Variants in HTR1F observed in about 807,000 individuals in gnomAD.
HTR1F encodes the protein 5-hydroxytryptamine receptor 1F.
Under a neutral mutation model 24.0 loss-of-function variants are expected in HTR1F, and 17 were observed. The ratio of observed to expected loss-of-function variants is 0.71; its 90% CI spans 0.48 to 1.06. The LOEUF is 1.06. Ranked by LOEUF, HTR1F falls within the 50% of genes least tolerant of loss-of-function variation. HTR1F has a pLI of 0.00. For synonymous variants in HTR1F, 186 were observed against 156.8 expected (o/e 1.19, Z -1.39); for missense variants, 391 against 427.8 (o/e 0.91, Z 0.76).
intron 2 of HTR1F, among the ~76,000 whole-genome samples, chr3:87,853,523 A>G (rs114002886): frequency 0.05 from 7,541 of 152,182 alleles, 264 homozygotes; most frequent in Non-Finnish European, 0.077. Flanking sequence ...TAGTGCTGCA[A>G]TGAACATTTG....
chr3:87,883,557 A>G (rs1214440416), intron 2 of HTR1F, among the ~76,000 whole-genome samples: 1 of 152,172 alleles, frequency 6.6e-6, no homozygotes, highest in Non-Finnish European at 1.5e-5. Flanking sequence ...ACCCATCGCA[A>G]AGAAACTAAA....
rs865910841 is a variant in HTR1F, at chr3:87,966,849, T to A, written c.-42-23859T>A. Among the ~76,000 whole-genome samples the A allele has an allele frequency of 3.9e-5, 6 of 152,212 alleles. No homozygotes were observed. In the Middle Eastern group the frequency reaches 0.014, roughly 345 times the overall value. ...TTGTGCTTCCCCACAACAAGACATATAATCCAACAATGTTCCTTTCCTACT... is the reference window on the plus strand; with the variant it reads ...TTGTGCTTCCCCACAACAAGACATAAAATCCAACAATGTTCCTTTCCTACT... On this transcript the variant is annotated intron_variant, in intron 2 of 2. Coordinates refer to ENST00000319595, the MANE Select transcript of HTR1F (RefSeq NM_001322209.2).
chr3:87,935,683 TAA>T (rs751219701), intron 2 of HTR1F, among the ~76,000 whole-genome samples: 36 of 152,338 alleles, frequency 2.4e-4, no homozygotes, highest in Admixed American at 5.2e-4. Flanking sequence ...ACTGTTTCAT[TAA>T]GTTTCCATTT....
intron 2 of HTR1F, among the ~76,000 whole-genome samples, chr3:87,894,668 C>T (rs1706161726): frequency 6.6e-6 from 1 of 150,890 alleles, no homozygotes; most frequent in Admixed American, 6.6e-5. Context: ...ACTCTGAAGC[C>T]AGAATATGTA....
intron 2 of HTR1F, among the ~76,000 whole-genome samples, chr3:87,952,656 C>T (rs1421550478): frequency 2.0e-5 from 3 of 151,866 alleles, no homozygotes; most frequent in South Asian, 4.1e-4. Flanking sequence ...GCAATTTACA[C>T]GCGTAATTTC....
intron 2 of HTR1F, among the ~76,000 whole-genome samples, chr3:87,898,938 ACAGT>A (rs1706261358): frequency 6.6e-6 from 1 of 152,152 alleles, no homozygotes; most frequent in Non-Finnish European, 1.5e-5. Context: ...CCTAAGTTAC[ACAGT>A]CAGTCTCTTT....
At chr3:87,935,118 T>A (rs1033867964) in intron 2 of HTR1F, among the ~76,000 whole-genome samples, 2 of 152,196 alleles carry the variant, frequency 1.3e-5, no homozygotes, top group African/African-American at 4.8e-5. Context: ...TCCTCCTGAC[T>A]TGGCCTCCCA....
intron 2 of HTR1F, among the ~76,000 whole-genome samples, chr3:87,958,943 T>G (rs1705003525): frequency 4.6e-5 from 7 of 151,732 alleles, no homozygotes; most frequent in Admixed American, 4.6e-4. Context: ...TCTCTGAACT[T>G]TCAACTGATT....
At position 87,991,081 on chromosome 3, in the gene HTR1F, T is replaced by A; in HGVS notation, c.332T>A (p.Ile111Asn). 1 of 1,613,968 alleles carries A rather than the reference T, an allele frequency of 6.2e-7. No individual in the cohort carries two copies. Among genetic ancestry groups the A allele is most frequent in the Non-Finnish European group, 8.5e-7 (1 of 1,180,032 alleles). Residue 111 changes from isoleucine (I) to asparagine (N), a missense_variant, in exon 3 of 3, where the codon ATC (isoleucine) becomes AAC (asparagine). Coordinates refer to ENST00000319595, the MANE Select transcript of HTR1F (RefSeq NM_001322209.2). ...GACATTACCTGCTGCACGTGCTCCA[T>A]CTTGCATCTCTCAGCTATAGCTTTG... ...SVDITCCTCS[I>N]LHLSAIALDR... is the part of the protein sequence containing the mutation.
At chr3:87,804,385 C>A (rs1329463290) in intron 1 of HTR1F, among the ~76,000 whole-genome samples, 1 of 151,758 alleles carries the variant, frequency 6.6e-6, no homozygotes, top group East Asian at 1.9e-4. Flanking sequence ...GCCTGGGAAA[C>A]ACAGCAAGAG....
chr3:87,970,476 A>G (rs763775608), intron 2 of HTR1F, among the ~76,000 whole-genome samples: 16 of 152,322 alleles, frequency 1.1e-4, no homozygotes, highest in Non-Finnish European at 1.8e-4. Context: ...TGTACATGAG[A>G]AATACAAATG....
At chr3:87,913,742 T>C (rs1703830976) in intron 2 of HTR1F, among the ~76,000 whole-genome samples, 1 of 152,188 alleles carries the variant, frequency 6.6e-6, no homozygotes, top group Non-Finnish European at 1.5e-5. Context: ...CACCATGGAA[T>C]ACTATGCAAC....
chr3:87,913,276 G>C (rs9838596), intron 2 of HTR1F, among the ~76,000 whole-genome samples: 29,644 of 151,822 alleles, frequency 0.2, 3,360 homozygotes, highest in African/African-American at 0.32. Context: ...GAGGACAAAG[G>C]GCATGAACAG....
At chr3:87,915,434 A>G (rs1465060139) in intron 2 of HTR1F, among the ~76,000 whole-genome samples, 3 of 152,250 alleles carry the variant, frequency 2.0e-5, no homozygotes, top group South Asian at 4.1e-4. Context: ...GCGAAGCCCA[A>G]TGCAAGGAAA....
chr3:87,808,617 T>G (rs1704110746), intron 1 of HTR1F, among the ~76,000 whole-genome samples: 1 of 151,952 alleles, frequency 6.6e-6, no homozygotes, highest in Admixed American at 6.6e-5. Flanking sequence ...ACTTTAATTC[T>G]GCTCTGATCT....
chr3:87,866,811 TGTGC>T lies in HTR1F; in HGVS notation c.-43+44695_-43+44698del, dbSNP rs201827553. 1.5e-3 allele frequency among the ~76,000 whole-genome samples: 144 copies of T among 98,726 alleles called. 2 individuals are homozygous for T. The highest frequency in any genetic ancestry group is 6.4e-3 in the South Asian group (26 of 4,036). The allele number at this position is 98,726 out of a possible 152,430, so 64.8% of individuals were successfully genotyped here. A position where few individuals can be genotyped will look rare whatever the true frequency, so the allele number is the denominator to read the frequency against. The stretch of plus-strand genomic sequence containing the variant: ...TATTAGAGGTGTACATGGGCACAAG[TGTGC>T]GTGCGTGTGTGTGTGTGTGTGTGTG... On this transcript the variant is annotated intron_variant, in intron 2 of 2. Transcript: ENST00000319595.
At chr3:87,794,445 A>G (rs994771701) in intron 1 of HTR1F, among the ~76,000 whole-genome samples, 1 of 152,224 alleles carries the variant, frequency 6.6e-6, no homozygotes, top group South Asian at 2.1e-4. Flanking sequence ...GAGGTGGTTC[A>G]ATAAAGGAAC....
chr3:87,933,125 C>T (rs962510321), intron 2 of HTR1F, among the ~76,000 whole-genome samples: 3 of 151,782 alleles, frequency 2.0e-5, no homozygotes, highest in Admixed American at 1.3e-4. Context: ...TCAATAGATG[C>T]AGAAAAGGCC....
chr3:87,876,127 A>G lies in HTR1F; in HGVS notation c.-43+54003A>G, dbSNP rs1263551246. On this transcript the variant is annotated intron_variant, in intron 2 of 2. Coordinates refer to ENST00000319595, the MANE Select transcript of HTR1F (RefSeq NM_001322209.2). ...AACAAGTGTTGGGAAGGATGTGTAGAATTGGAGACTTTGTGTGCTGATCAT... is the reference window on the plus strand; with the variant it reads ...AACAAGTGTTGGGAAGGATGTGTAGGATTGGAGACTTTGTGTGCTGATCAT... Among the ~76,000 whole-genome samples, 4 of 152,208 alleles carry G rather than the reference A, an allele frequency of 2.6e-5. No individual in the cohort carries two copies. In the East Asian group the frequency reaches 7.7e-4, roughly 29 times the overall value.
Sources: gnomAD v4.1 joint callset for allele counts (sites outside exome capture counted in the v4.1 genomes callset) on GRCh38, gnomAD v4.1.1 for gene constraint, MANE v1.5 for transcripts, NCBI Gene and HGNC (gene_info 2026-07-23, HGNC 2026-07-21) for gene names.